The following PLAC9 variants were observed in gnomAD, a reference collection of about 807,000 sequenced individuals.
PLAC9 encodes the protein placenta associated 9.
Under a neutral mutation model 11.5 loss-of-function variants are expected in PLAC9, and 12 were observed. The observed-to-expected ratio is 1.05, with a 90% confidence interval of 0.67 to 1.69. The LOEUF is 1.69. Among genes scored for constraint, PLAC9 ranks in the 40% most tolerant of loss-of-function variants. PLAC9 has a pLI of 0.00. For synonymous variants in PLAC9, 62 were observed against 58.1 expected, an observed-to-expected ratio of 1.07 and a Z score of -0.31; for missense variants, 132 against 130.5, an observed-to-expected ratio of 1.01 and a Z score of -0.06.
chr10:80,143,965 T>C (rs1353838666), intron 2 of PLAC9: 2 of 503,040 alleles, frequency 4.0e-6, no homozygotes, highest in Non-Finnish European at 7.2e-6. Context: ...GAAGGTATTC[T>C]ACAGGCGCTT....
At chr10:80,142,728 A>T (rs1165435855) in intron 2 of PLAC9, among the ~76,000 whole-genome samples, 5 of 151,766 alleles carry the variant, frequency 3.3e-5, no homozygotes, top group African/African-American at 1.2e-4. Flanking sequence ...AATACATTTT[A>T]TTTTTTTTGA....
At chr10:80,140,437 C>A (rs933275583) in intron 1 of PLAC9, among the ~76,000 whole-genome samples, 1 of 152,130 alleles carries the variant, frequency 6.6e-6, no homozygotes, top group Non-Finnish European at 1.5e-5. Flanking sequence ...TCTTTCCAGT[C>A]CTTATCTTGC....
chr10:80,141,967 G>C, intron 1 of PLAC9, 115 bp from the exon 2 acceptor site: 1 of 678,938 alleles, frequency 1.5e-6, no homozygotes, highest in Non-Finnish European at 2.3e-6. Context: ...GCCGTCCTCC[G>C]CTTGCTCCTG....
At position 80,144,888 on chromosome 10, in the gene PLAC9, GCTTT is replaced by G; in HGVS notation, c.284-6_284-3del. On this transcript the variant is annotated splice_polypyrimidine_tract_variant and splice_region_variant and intron_variant, in intron 3 of 3. Coordinates refer to ENST00000372263, the MANE Select transcript of PLAC9 (RefSeq NM_001012973.3). ...CCCAGCTTGCTCACTGGGGGCCTCT[GCTTT>G]CTTTCAGATGGCTTCTGAGCCCTGG... The G allele has an allele frequency of 1.3e-6, 2 of 1,573,580 alleles. No homozygotes were observed. Among genetic ancestry groups the G allele is most frequent in the Non-Finnish European group, 1.7e-6 (2 of 1,159,550 alleles).
rs143609512 is a variant in PLAC9, at chr10:80,144,304, C to A, written c.244C>A (p.Pro82Thr). The change falls in exon 3 of 4, where the codon CCC becomes ACC. Residue 82 changes from proline to threonine, a missense_variant. Coordinates refer to ENST00000372263, the MANE Select transcript of PLAC9 (RefSeq NM_001012973.3). ...GCTGGAGGAGCTGGCCTGGAACCTG[C>A]CCCCGGGACCCTTCAGCCCCGCTCC... ...GLLEELAWNL[P>T]PGPFSPAPDL... 1,107 of 1,611,810 alleles carry A rather than the reference C, an allele frequency of 6.9e-4. 2 individuals are homozygous for A. Among genetic ancestry groups the A allele is most frequent in the Non-Finnish European group, 8.7e-4 (1,025 of 1,179,904 alleles).
At chr10:80,138,633 G>A (rs995125515) in intron 1 of PLAC9, among the ~76,000 whole-genome samples, 29 of 152,190 alleles carry the variant, frequency 1.9e-4, no homozygotes, top group African/African-American at 7.0e-4. Flanking sequence ...GCTGAGATGA[G>A]AACAGGAGGT....
At chr10:80,140,561 G>A (rs778447422) in intron 1 of PLAC9, among the ~76,000 whole-genome samples, 8 of 152,134 alleles carry the variant, frequency 5.3e-5, no homozygotes, top group South Asian at 2.1e-4. Context: ...GAGTGTCAGC[G>A]TTCTCCAAGG....
chr10:80,139,243 C>T (rs532784204), intron 1 of PLAC9, among the ~76,000 whole-genome samples: 5 of 152,166 alleles, frequency 3.3e-5, no homozygotes, highest in Admixed American at 2.0e-4. Flanking sequence ...TGAGCCACCG[C>T]GCCTGGCTAA....
chr10:80,143,389 A>ATT (rs560963413), intron 2 of PLAC9, among the ~76,000 whole-genome samples: 7,606 of 89,692 alleles, frequency 0.085, 1,042 homozygotes, highest in Non-Finnish European at 0.12. Context: ...AAATACTTGA[A>ATT]TTTTTTTTTT....
chr10:80,143,363 CAAA>C (rs1564590914), intron 2 of PLAC9, among the ~76,000 whole-genome samples: 1 of 146,082 alleles, frequency 6.8e-6, no homozygotes, highest in African/African-American at 2.6e-5. Flanking sequence ...CATGCTGGGC[CAAA>C]AAGTTTAATT....
At chr10:80,139,018 C>G (rs1306808471) in intron 1 of PLAC9, among the ~76,000 whole-genome samples, 1 of 147,512 alleles carries the variant, frequency 6.8e-6, no homozygotes, top group African/African-American at 2.5e-5. Flanking sequence ...GTGGCGCGAT[C>G]TCCACTCACT....
rs139405842 is a variant in PLAC9, at chr10:80,142,102, C to A, written c.85C>A (p.Pro29Thr). 1.2e-6 allele frequency: 2 copies of A among 1,610,818 alleles called. No homozygotes were observed. Among genetic ancestry groups the A allele is most frequent in the African/African-American group, 1.3e-5 (1 of 74,994 alleles). The change falls in exon 2 of 4, where the codon CCG (proline) becomes ACG (threonine). Residue 29 changes from proline to threonine, a missense_variant. Transcript: ENST00000372263. Reference protein sequence around the residue: ...SLAAAEPFSPPRGDSAQSTAC... With the variant: ...SLAAAEPFSPTRGDSAQSTAC... ...CACAGCTGCCGAACCCTTCAGCCCT[C>A]CGCGAGGAGACTCAGCTCAGAGCAC...
rs540117507 is a variant in PLAC9 at position 80,141,627 on chromosome 10, C to A, written c.65-455C>A. Among the ~76,000 whole-genome samples, 5 of 152,022 alleles carry A rather than the reference C, an allele frequency of 3.3e-5. No individual in the cohort carries two copies. The South Asian group carries it at 1.0e-3, about 32-fold the overall frequency. ...ACAAACAAACAAACACACAAAAAAA[C>A]AAACAAGCATCAGAACTGGTTTATT... On this transcript the variant is annotated intron_variant, in intron 1 of 3. Transcript: ENST00000372263.
rs574315849 is a variant in PLAC9, at chr10:80,142,144, A to G, written c.127A>G (p.Met43Val). The G allele has an allele frequency of 1.2e-6, 2 of 1,610,658 alleles. No individual in the cohort carries two copies. Among genetic ancestry groups the G allele is most frequent in the South Asian group, 1.1e-5 (1 of 90,866 alleles). Reference sequence around the variant, plus strand: ...TCAGAGCACAGCGTGTGACAGACACATGGCTGTGCAACGCCGTCTAGATGT... The same window carrying G: ...TCAGAGCACAGCGTGTGACAGACACGTGGCTGTGCAACGCCGTCTAGATGT... ...SAQSTACDRH[M>V]AVQRRLDVME... is the part of the protein sequence containing the mutation. The change falls in exon 2 of 4, where the codon ATG becomes GTG. Residue 43 changes from methionine to valine, a missense_variant. Transcript: ENST00000372263.
chr10:80,132,742 G>A lies in PLAC9; in HGVS notation c.-21G>A. 1 of 1,451,868 alleles carries A rather than the reference G, an allele frequency of 6.9e-7. No individual in the cohort carries two copies. Among genetic ancestry groups the A allele is most frequent in the Non-Finnish European group, 9.0e-7 (1 of 1,111,836 alleles). 89.9% of individuals were successfully genotyped at this position (1,451,868 alleles called of 1,614,324 possible). On this transcript the variant is annotated 5_prime_UTR_variant, in exon 1 of 4. Coordinates refer to ENST00000372263, the MANE Select transcript of PLAC9 (RefSeq NM_001012973.3). Reference sequence around the variant, plus strand: ...GGCGGCTGCGGGCAGACGCGGCGCTGCGCTCGGCCAGGCCGGCACCATGCG... The same window carrying A: ...GGCGGCTGCGGGCAGACGCGGCGCTACGCTCGGCCAGGCCGGCACCATGCG...
In PLAC9 at chr10:80,142,175, A is replaced by AGG; in HGVS notation, c.159_160dup (p.Glu54GlyfsTer4). 6.2e-7 allele frequency: 1 copy of AGG among 1,603,838 alleles called. No homozygotes were observed. Reference sequence around the variant, plus strand: ...GTGCAACGCCGTCTAGATGTCATGGAGGAGGTAACAGGGTGGTTTGGAAGG... The same window carrying AGG: ...GTGCAACGCCGTCTAGATGTCATGGAGGGGAGGTAACAGGGTGGTTTGGAAGG... On this transcript the variant is annotated frameshift_variant, in exon 2 of 4. Coordinates refer to ENST00000372263, the MANE Select transcript of PLAC9 (RefSeq NM_001012973.3). LOFTEE classifies it high-confidence loss of function.
At chr10:80,134,349 C>T (rs1371302555) in intron 1 of PLAC9, among the ~76,000 whole-genome samples, 9 of 151,546 alleles carry the variant, frequency 5.9e-5, no homozygotes, top group Admixed American at 2.0e-4. Context: ...CTGCAACCTC[C>T]GTCTCCCGGG....
chr10:80,141,795 T>C lies in PLAC9; in HGVS notation c.65-287T>C, dbSNP rs150346069. ...ACAGTGAGCCCTGCTCTTTCAGACC[T>C]CTCCATTGTTGCAGGTGCCATTCTG... On this transcript the variant is annotated intron_variant, in intron 1 of 3. Transcript: ENST00000372263. Among the ~76,000 whole-genome samples the C allele has an allele frequency of 2.5e-4, 38 of 152,158 alleles. No individual in the cohort carries two copies. The East Asian group carries it at 6.2e-3, about 25-fold the overall frequency.
chr10:80,134,423 C>T lies in PLAC9; in HGVS notation c.64+1597C>T, dbSNP rs149326069. Reference sequence around the variant, plus strand: ...GGACTACAGGCACGCACCACCACACCTGACTAATTTTGGTATTTTTAGTAG... The same window carrying T: ...GGACTACAGGCACGCACCACCACACTTGACTAATTTTGGTATTTTTAGTAG... On this transcript the variant is annotated intron_variant, in intron 1 of 3. Transcript: ENST00000372263. Among the ~76,000 whole-genome samples, 1,206 of 152,168 alleles carry T rather than the reference C, an allele frequency of 7.9e-3. 3 individuals are homozygous for T. Among genetic ancestry groups the T allele is most frequent in the Non-Finnish European group, 0.011 (739 of 67,998 alleles).
Sources: gnomAD v4.1 joint callset for allele counts (sites outside exome capture counted in the v4.1 genomes callset) on GRCh38, gnomAD v4.1.1 for gene constraint, MANE v1.5 for transcripts, NCBI Gene and HGNC (gene_info 2026-07-23, HGNC 2026-07-21) for gene names.